The following RABEPK variants were observed in gnomAD, a reference collection of about 807,000 sequenced individuals.
RABEPK encodes the protein Rab9 effector protein with kelch motifs, also known as 40 kDa Rab9 effector protein.
RABEPK carries 27 observed loss-of-function variants against 34.1 expected under a neutral mutation model. The ratio of observed to expected loss-of-function variants is 0.79; its 90% confidence interval spans 0.58 to 1.09. The LOEUF (loss-of-function observed/expected upper bound fraction) is 1.09. Ranked by LOEUF, RABEPK falls within the 50% of genes least tolerant of loss-of-function variation. RABEPK has a pLI of 0.00. For synonymous variants in RABEPK, 172 were observed against 169.2 expected, an observed-to-expected ratio of 1.02 and a Z score of -0.13; for missense variants, 449 against 462.6, an observed-to-expected ratio of 0.97 and a Z score of 0.27.
chr9:125,213,934 A>G (rs1830749002), intron 4 of RABEPK, among the ~76,000 whole-genome samples: 1 of 152,148 alleles, frequency 6.6e-6, no homozygotes, highest in Non-Finnish European at 1.5e-5. Context: ...TGGCCTGGCC[A>G]GCATGGTAAA....
At chr9:125,204,598 CAAAT>C (rs1830102054) in intron 2 of RABEPK, among the ~76,000 whole-genome samples, 3 of 152,162 alleles carry the variant, frequency 2.0e-5, no homozygotes, top group Admixed American at 6.6e-5. Context: ...AACAAACAAA[CAAAT>C]TAGACTTCTT....
At position 125,213,392 on chromosome 9, in the gene RABEPK, T is replaced by C; in HGVS notation, c.234T>C (p.Asp78=). 6.2e-7 allele frequency: 1 copy of C among 1,612,912 alleles called. No homozygotes were observed. Among genetic ancestry groups the C allele is most frequent in the South Asian group, 1.1e-5 (1 of 90,830 alleles). The change falls in exon 4 of 8, where the codon GAT becomes GAC. Residue 78 remains aspartate, a synonymous_variant. Transcript: ENST00000373538. The stretch of plus-strand genomic sequence containing the variant: ...CAGGAAAACACCAGTGGGACTTAGA[T>C]ACCTGCAAGGGCCTCTTGCCCCGGT... ...MDLGKHQWDL[D]TCKGLLPRYE... is the part of the protein sequence containing the mutation.
At chr9:125,203,102 A>G (rs1448755536) in intron 2 of RABEPK, 36 bp downstream of exon 2, 2 of 1,579,252 alleles carry the variant, frequency 1.3e-6, no homozygotes, top group Admixed American at 3.4e-5. Flanking sequence ...GAAAAGCATG[A>G]GTTTTTGTTT....
intron 4 of RABEPK, among the ~76,000 whole-genome samples, chr9:125,214,175 G>C (rs1465734803): frequency 6.6e-6 from 1 of 151,846 alleles, no homozygotes; most frequent in Non-Finnish European, 1.5e-5. Flanking sequence ...TCACAAGAGA[G>C]TCAGTGACTG....
intron 4 of RABEPK, among the ~76,000 whole-genome samples, chr9:125,215,288 T>G (rs201867786): frequency 2.0e-5 from 3 of 147,996 alleles, no homozygotes; most frequent in African/African-American, 7.5e-5. Context: ...TTGTTTGTTT[T>G]TTTTGGGTTT....
intron 3 of RABEPK, among the ~76,000 whole-genome samples, chr9:125,211,942 C>G (rs1588350292): frequency 6.6e-6 from 1 of 151,980 alleles, no homozygotes; most frequent in South Asian, 2.1e-4. Context: ...GCGCTCCAGC[C>G]TGGGCAACAG....
At chr9:125,228,219 C>T (rs543588829) in intron 6 of RABEPK, among the ~76,000 whole-genome samples, 160 bp downstream of exon 6, 6 of 152,244 alleles carry the variant, frequency 3.9e-5, no homozygotes, top group Admixed American at 2.0e-4. Context: ...CCTCATCCTC[C>T]GCAGTAGCTG....
intron 4 of RABEPK, among the ~76,000 whole-genome samples, chr9:125,218,283 C>T (rs1212686959): frequency 7.3e-6 from 1 of 137,024 alleles, no homozygotes; most frequent in African/African-American, 2.8e-5. Context: ...GATCGCGCCA[C>T]TGCACTCTGG....
chr9:125,213,664 A>C, intron 4 of RABEPK, 142 bp downstream of exon 4: 1 of 751,876 alleles, frequency 1.3e-6, no homozygotes, highest in Non-Finnish European at 2.1e-6. Context: ...CATAGAAAAT[A>C]GGAATTTTAA....
At position 125,213,361 on chromosome 9, in the gene RABEPK, G is replaced by A. The variant is rs751484867; in HGVS notation, c.212-9G>A. 9.3e-6 allele frequency: 15 copies of A among 1,608,230 alleles called. No homozygotes were observed. Among genetic ancestry groups the A allele is most frequent in the African/African-American group, 1.3e-5 (1 of 74,654 alleles). ...CCCCAATCTAGGAACTGGGTGAAAT[G>A]TTTTCCAGGAAAACACCAGTGGGAC... On this transcript the variant is annotated splice_polypyrimidine_tract_variant and intron_variant, in intron 3 of 7. Transcript: ENST00000373538.
chr9:125,227,205 T>C (rs1488421745), intron 5 of RABEPK, among the ~76,000 whole-genome samples: 1 of 151,932 alleles, frequency 6.6e-6, no homozygotes, highest in Non-Finnish European at 1.5e-5. Context: ...TAATAATACA[T>C]TAAATAAATG....
chr9:125,226,720 T>C (rs1564195029), intron 5 of RABEPK, among the ~76,000 whole-genome samples: 1 of 151,404 alleles, frequency 6.6e-6, no homozygotes, highest in East Asian at 1.9e-4. Context: ...AAAAATTAGC[T>C]GGGGGTGGTG....
At chr9:125,232,251 C>CAG (rs34634332) in intron 6 of RABEPK, among the ~76,000 whole-genome samples, 77,267 of 149,288 alleles carry the variant, frequency 0.52, 19,768 homozygotes, top group Middle Eastern at 0.56. Flanking sequence ...CACACAGAGA[C>CAG]AGAGAGAGAG....
At chr9:125,215,812 A>G (rs544790779) in intron 4 of RABEPK, among the ~76,000 whole-genome samples, 72 of 152,312 alleles carry the variant, frequency 4.7e-4, no homozygotes, top group African/African-American at 1.7e-3. Flanking sequence ...TAAAAAGGCT[A>G]GGTAAAATAC....
chr9:125,209,057 C>CTTT (rs35098822), intron 3 of RABEPK, among the ~76,000 whole-genome samples: 3,527 of 121,626 alleles, frequency 0.029, 289 homozygotes, highest in African/African-American at 0.1. Context: ...CTCAACCTCC[C>CTTT]TTTTTTTTTT....
At chr9:125,206,160 T>G (rs146067603) in intron 2 of RABEPK, among the ~76,000 whole-genome samples, 2 of 152,184 alleles carry the variant, frequency 1.3e-5, no homozygotes, top group African/African-American at 4.8e-5. Flanking sequence ...AGAATTTTCT[T>G]TTCCAATCAG....
intron 4 of RABEPK, among the ~76,000 whole-genome samples, chr9:125,219,223 G>T: frequency 8.2e-6 from 1 of 121,886 alleles, no homozygotes; most frequent in Admixed American, 9.1e-5. Flanking sequence ...TCAAGATATG[G>T]TCTTACTCTT....
chr9:125,208,921 C>T (rs1439426515), intron 3 of RABEPK, among the ~76,000 whole-genome samples: 1 of 152,102 alleles, frequency 6.6e-6, no homozygotes, highest in Admixed American at 6.6e-5. Flanking sequence ...ACTAGACTTA[C>T]AAGAGCCTCC....
intron 2 of RABEPK, among the ~76,000 whole-genome samples, chr9:125,203,464 G>A (rs79670346): frequency 0.023 from 3,536 of 152,246 alleles, 144 homozygotes; most frequent in African/African-American, 0.082. Context: ...CCTGATGGGG[G>A]CAGCTGCTCT....
Sources: gnomAD v4.1 joint callset for allele counts (sites outside exome capture counted in the v4.1 genomes callset) on GRCh38, gnomAD v4.1.1 for gene constraint, MANE v1.5 for transcripts, NCBI Gene and HGNC (gene_info 2026-07-23, HGNC 2026-07-21) for gene names.